Variants in NLRP4 observed in about 807,000 individuals in gnomAD.
NLRP4 encodes NACHT, LRR and PYD domains-containing protein 4.
In NLRP4, 44 loss-of-function variants were observed where a neutral mutation model predicts 84.7. The observed-to-expected ratio is 0.52, with a 90% CI of 0.41 to 0.67. The LOEUF is 0.67. Ranked by LOEUF, NLRP4 falls within the 30% of genes least tolerant of loss-of-function variation. The pLI is 0.00. For missense variants in NLRP4, 1,260 were observed against 1,219.4 expected (o/e 1.03, Z -0.50); for synonymous variants, 544 against 476.4 (o/e 1.14, Z -1.85).
At chr19:55,842,963 G>T (rs1164480959) in intron 1 of NLRP4, among the ~76,000 whole-genome samples, 1 of 151,072 alleles carries the variant, frequency 6.6e-6, no homozygotes, top group East Asian at 1.9e-4. Flanking sequence ...GTTTCACCGT[G>T]TTAGCCAGGA....
At chr19:55,880,464 T>C (rs150337193) in intron 9 of NLRP4, among the ~76,000 whole-genome samples, 2 of 152,182 alleles carry the variant, frequency 1.3e-5, no homozygotes, top group South Asian at 2.1e-4. Context: ...ATCTACAAAA[T>C]AGGGATGATT....
chr19:55,848,612 CAAG>C (rs1283708983), intron 1 of NLRP4, among the ~76,000 whole-genome samples: 1 of 152,122 alleles, frequency 6.6e-6, no homozygotes, highest in Non-Finnish European at 1.5e-5. Flanking sequence ...CCATGTTGGC[CAAG>C]ATGGTCTGGA....
At chr19:55,876,509 C>T (rs113168283) in intron 7 of NLRP4, among the ~76,000 whole-genome samples, 27,337 of 151,946 alleles carry the variant, frequency 0.18, 2,619 homozygotes, top group East Asian at 0.23. Context: ...TCGCCATGCC[C>T]GGCTAATTTT....
chr19:55,876,909 A>G, intron 7 of NLRP4, 87 bp from the exon 8 acceptor site: 1 of 1,106,170 alleles, frequency 9.0e-7, no homozygotes, highest in East Asian at 2.4e-5. Flanking sequence ...CATGAATGAC[A>G]AAGGCTGTCG....
chr19:55,881,842 C>A lies in NLRP4; in HGVS notation c.*255C>A. On this transcript the variant is annotated 3_prime_UTR_variant, in exon 10 of 10. Transcript: ENST00000301295. ...AACCCCTCAATAAAGTGTTACATTT[C>A]TAAACATTGGAAATTCTTTTTTTGC... is the stretch of plus-strand genomic sequence containing the variant. The A allele has an allele frequency of 3.5e-6, 1 of 282,394 alleles. No individual in the cohort carries two copies. The highest frequency in any genetic ancestry group is 6.5e-6 in the Non-Finnish European group (1 of 153,530). 17.5% of individuals were successfully genotyped at this position (282,394 alleles called of 1,614,324 possible). A position where few individuals can be genotyped will look rare whatever the true frequency, so the allele number is the denominator to read the frequency against.
intron 1 of NLRP4, among the ~76,000 whole-genome samples, chr19:55,849,931 G>T (rs911691707): frequency 7.0e-6 from 1 of 142,918 alleles, no homozygotes; most frequent in South Asian, 2.2e-4. Context: ...TGTAATTTCC[G>T]TAGCCGCGGT....
At chr19:55,861,645 T>A in intron 4 of NLRP4, 98 bp downstream of exon 4, 1 of 1,151,698 alleles carries the variant, frequency 8.7e-7, no homozygotes, top group South Asian at 1.4e-5. Flanking sequence ...AAGCAAAGAA[T>A]TAACATCCAG....
intron 1 of NLRP4, among the ~76,000 whole-genome samples, chr19:55,848,893 G>A (rs1047223150): frequency 8.5e-5 from 13 of 152,070 alleles, no homozygotes; most frequent in African/African-American, 2.7e-4. Flanking sequence ...AATAAGTCTC[G>A]TGAGACCTGA....
Position 55,881,648 on chromosome 19 carries a change from T to C in NLRP4, c.*61T>C, listed in dbSNP as rs1428808277. 2 of 793,676 alleles carry C rather than the reference T, an allele frequency of 2.5e-6. No individual in the cohort carries two copies. Among genetic ancestry groups the C allele is most frequent in the Non-Finnish European group, 4.4e-6 (2 of 458,582 alleles). The allele number at this position is 793,676 out of a possible 1,614,324, so 49.2% of individuals were successfully genotyped here. A position where few individuals can be genotyped will look rare whatever the true frequency, so the allele number is the denominator to read the frequency against. On this transcript the variant is annotated 3_prime_UTR_variant, in exon 10 of 10. Coordinates refer to ENST00000301295, the MANE Select transcript of NLRP4 (RefSeq NM_134444.5). ...AAAGGACAGGGACTGGGACCGTTAC[T>C]TACATGACACTGCACCCAGGAGATA...
At chr19:55,874,871 A>G (rs1020431806) in intron 7 of NLRP4, among the ~76,000 whole-genome samples, 1 of 152,184 alleles carries the variant, frequency 6.6e-6, no homozygotes, top group Non-Finnish European at 1.5e-5. Context: ...AACACTGAAC[A>G]GAATATTAGC....
chr19:55,848,952 G>A lies in NLRP4; in HGVS notation c.-65-3064G>A, dbSNP rs117569327. Among the ~76,000 whole-genome samples the A allele has an allele frequency of 9.1e-3, 1,384 of 152,202 alleles. 13 individuals carry two copies. The highest frequency in any genetic ancestry group is 0.058 in the East Asian group (302 of 5,168). ...GTCGTTTGGTCCTCTCTTGTCTGCC[G>A]CCATGTAAGATGTGCCTTTTGCCTT... On this transcript the variant is annotated intron_variant, in intron 1 of 9. Transcript: ENST00000301295.
rs955266159 is a variant in NLRP4, at chr19:55,858,436, G to T, written c.1043G>T (p.Cys348Phe). 6 of 1,614,126 alleles carry T rather than the reference G, an allele frequency of 3.7e-6. No individual in the cohort carries two copies. The highest frequency in any genetic ancestry group is 5.1e-6 in the Non-Finnish European group (6 of 1,180,028). The part of the protein sequence containing the change: ...CQIPLLCWIL[C>F]TSLKQEMQKG... ...ATCCCGCTCCTCTGCTGGATCCTGT[G>T]TACCAGTCTGAAGCAAGAGATGCAG... Residue 348 changes from cysteine (C) to phenylalanine (F), a missense_variant, in exon 3 of 10, where the codon TGT becomes TTT. By Grantham distance (205) the Cys-to-Phe change is radical (BLOSUM62 -2). Around this residue, in one of 3 missense-constraint regions of NLRP4, gnomAD observed 712 missense variants for 669.2 expected, o/e 1.06. Transcript: ENST00000301295. The surrounding 1 kb of genome is among the most constrained non-coding windows in gnomAD (Gnocchi z 4.2).
At chr19:55,846,253 T>C (rs1319320990) in intron 1 of NLRP4, among the ~76,000 whole-genome samples, 1 of 152,230 alleles carries the variant, frequency 6.6e-6, no homozygotes, top group African/African-American at 2.4e-5. Context: ...TAGCCAGTTT[T>C]CCCAGCACCA....
chr19:55,879,639 C>T (rs369387874), intron 9 of NLRP4, among the ~76,000 whole-genome samples: 5 of 152,126 alleles, frequency 3.3e-5, no homozygotes, highest in East Asian at 3.8e-4. Flanking sequence ...TTTTCACTGG[C>T]GCAGCTGCTG....
intron 5 of NLRP4, 22 bp downstream of exon 5, chr19:55,862,181 C>T (rs769469940): frequency 6.4e-7 from 1 of 1,571,212 alleles, no homozygotes; most frequent in Non-Finnish European, 8.7e-7. Context: ...TTTATTGAGA[C>T]CACTGATTGG....
At chr19:55,842,290 T>C (rs1315536868) in intron 1 of NLRP4, among the ~76,000 whole-genome samples, 4 of 152,350 alleles carry the variant, frequency 2.6e-5, no homozygotes, top group Non-Finnish European at 2.9e-5. Context: ...TAATTACTAA[T>C]AAGAGTTCGA....
At chr19:55,853,973 C>T (rs753572453) in intron 2 of NLRP4, among the ~76,000 whole-genome samples, 2 of 148,862 alleles carry the variant, frequency 1.3e-5, no homozygotes, top group Non-Finnish European at 3.0e-5. Context: ...CTCTTTCCTT[C>T]TTTCTTTCTT....
intron 1 of NLRP4, among the ~76,000 whole-genome samples, chr19:55,850,704 A>AATGT (rs1984068555): frequency 7.3e-6 from 1 of 137,210 alleles, no homozygotes; most frequent in African/African-American, 3.1e-5. Context: ...GCTGCGGTGT[A>AATGT]CTTCCCGAGG....
chr19:55,838,066 C>T (rs945800520), intron 1 of NLRP4, among the ~76,000 whole-genome samples: 3 of 149,980 alleles, frequency 2.0e-5, no homozygotes, highest in African/African-American at 7.4e-5. Context: ...CACCTATAAT[C>T]CCAGCACTTT....
Sources: allele counts gnomAD v4.1 joint callset (sites outside exome capture counted in the v4.1 genomes callset), GRCh38; gene constraint gnomAD v4.1.1; regional missense constraint gnomAD v4.1.1; non-coding constraint Gnocchi (gnomAD v3.1); transcripts MANE v1.5; gene names NCBI Gene and HGNC (gene_info 2026-07-23, HGNC 2026-07-21).